ERC1: variants seen among roughly 807,000 people sequenced by gnomAD.
The protein encoded by ERC1 is RAB6 interacting protein 2.
Under a neutral mutation model 132.0 loss-of-function variants are expected in ERC1, and 56 were observed. That is an observed-to-expected ratio of 0.42 (90% CI 0.34 to 0.53). ERC1 has a LOEUF of 0.53. Among genes scored for constraint, ERC1 ranks in the 20% least tolerant of loss-of-function variants. The pLI is 0.03. For synonymous variants in ERC1, 478 were observed against 476.1 expected (o/e 1.00, Z -0.05); for missense variants, 1,202 against 1,349.9 (o/e 0.89, Z 1.72).
At chr12:1,036,062 A>AT (rs1461505079) in intron 2 of ERC1, among the ~76,000 whole-genome samples, 2 of 152,124 alleles carry the variant, frequency 1.3e-5, no homozygotes, top group African/African-American at 4.8e-5. Flanking sequence ...AAAAATGTTT[A>AT]TTTAAAGCAC....
At chr12:1,481,544 C>G (rs765523571) in intron 18 of ERC1, among the ~76,000 whole-genome samples, 8 of 152,238 alleles carry the variant, frequency 5.3e-5, no homozygotes, top group Non-Finnish European at 8.8e-5. Flanking sequence ...AAATCTGTCC[C>G]TGCTCAGCTG....
chr12:1,363,862 G>A (rs2086400302), intron 15 of ERC1, among the ~76,000 whole-genome samples: 1 of 152,130 alleles, frequency 6.6e-6, no homozygotes, highest in Admixed American at 6.6e-5. Context: ...AACCATGAGT[G>A]TATTTCTCAC....
chr12:1,139,094 T>G (rs1949628635), intron 7 of ERC1, among the ~76,000 whole-genome samples: 2 of 152,222 alleles, frequency 1.3e-5, no homozygotes, highest in African/African-American at 4.8e-5. Flanking sequence ...CTTTTTTGCT[T>G]TCCTTGGTTT....
intron 13 of ERC1, among the ~76,000 whole-genome samples, chr12:1,239,838 T>C (rs557888413): frequency 5.1e-4 from 78 of 152,278 alleles, no homozygotes; most frequent in African/African-American, 1.8e-3. Context: ...CTTGTGTGCG[T>C]TGGAGTTACA....
At chr12:1,194,599 C>A (rs1016162339) in intron 12 of ERC1, among the ~76,000 whole-genome samples, 2 of 152,002 alleles carry the variant, frequency 1.3e-5, no homozygotes, top group Admixed American at 6.6e-5. Context: ...TTGTATTGTG[C>A]CTTATAATTT....
chr12:1,417,852 G>A (rs2092200630), intron 17 of ERC1, among the ~76,000 whole-genome samples: 1 of 151,646 alleles, frequency 6.6e-6, no homozygotes, highest in South Asian at 2.1e-4. Context: ...AAGAGTAAAT[G>A]ATGGATGATG....
At chr12:1,447,643 T>A (rs1414814203) in intron 18 of ERC1, among the ~76,000 whole-genome samples, 1 of 151,960 alleles carries the variant, frequency 6.6e-6, no homozygotes, top group African/African-American at 2.4e-5. Context: ...TTTTTGTTTT[T>A]GTTTTTGTTT....
intron 15 of ERC1, among the ~76,000 whole-genome samples, chr12:1,327,989 C>A (rs1443094512): frequency 6.6e-6 from 1 of 152,006 alleles, no homozygotes; most frequent in Non-Finnish European, 1.5e-5. Flanking sequence ...TGAGACATAT[C>A]TCCACATCAT....
At chr12:1,467,857 C>T (rs73599995) in intron 18 of ERC1, among the ~76,000 whole-genome samples, 2,537 of 152,264 alleles carry the variant, frequency 0.017, 69 homozygotes, top group African/African-American at 0.058. Context: ...CCCTCGCGTG[C>T]GTGGTTCACA....
intron 12 of ERC1, among the ~76,000 whole-genome samples, chr12:1,213,248 T>TAG (rs1046512588): frequency 6.6e-6 from 1 of 152,220 alleles, no homozygotes; most frequent in Non-Finnish European, 1.5e-5. Flanking sequence ...CATAGTGTCT[T>TAG]ACATTTATTT....
chr12:1,359,131 G>A (rs934370967), intron 15 of ERC1, among the ~76,000 whole-genome samples: 6 of 152,154 alleles, frequency 3.9e-5, no homozygotes, highest in African/African-American at 1.4e-4. Flanking sequence ...GAAAGAAAAA[G>A]CATAACAGCT....
chr12:1,239,555 A>G (rs902130403), intron 13 of ERC1, among the ~76,000 whole-genome samples: 24 of 152,144 alleles, frequency 1.6e-4, no homozygotes, highest in Non-Finnish European at 2.1e-4. Context: ...CTGCCTCTAA[A>G]AAAATTTAAG....
chr12:1,318,849 A>G (rs772525731), intron 15 of ERC1, among the ~76,000 whole-genome samples: 16 of 152,040 alleles, frequency 1.1e-4, no homozygotes, highest in Non-Finnish European at 1.8e-4. Flanking sequence ...CTCCACAGAG[A>G]TCAGTTTACG....
chr12:995,214 G>T (rs761067602), intron 1 of ERC1, among the ~76,000 whole-genome samples: 1 of 152,052 alleles, frequency 6.6e-6, no homozygotes, highest in African/African-American at 2.4e-5. Flanking sequence ...CTGTCATTCC[G>T]TCGTTGCACT....
At chr12:1,434,508 T>C (rs1394178319) in intron 17 of ERC1, among the ~76,000 whole-genome samples, 2 of 152,244 alleles carry the variant, frequency 1.3e-5, no homozygotes, top group African/African-American at 2.4e-5. Flanking sequence ...GGCGCTCTGC[T>C]GTTCCCCCAT....
intron 12 of ERC1, among the ~76,000 whole-genome samples, chr12:1,234,191 G>T (rs941736974): frequency 2.0e-5 from 3 of 152,152 alleles, no homozygotes; most frequent in African/African-American, 4.8e-5. Context: ...TAACGATAGT[G>T]CAAAAGTGAT....
intron 2 of ERC1, among the ~76,000 whole-genome samples, chr12:1,074,369 G>A (rs754616128): frequency 7.9e-5 from 12 of 151,826 alleles, no homozygotes; most frequent in Non-Finnish European, 1.5e-4. Context: ...GTGCAGTGGC[G>A]TGATCTTGGC....
chr12:1,476,049 G>T (rs182389515), intron 18 of ERC1, among the ~76,000 whole-genome samples: 1 of 151,952 alleles, frequency 6.6e-6, no homozygotes, highest in East Asian at 1.9e-4. Flanking sequence ...GGATCACACG[G>T]TCAGGAGATC....
At chr12:1,255,970 G>A (rs1049087015) in intron 13 of ERC1, among the ~76,000 whole-genome samples, 79 of 152,098 alleles carry the variant, frequency 5.2e-4, no homozygotes, top group African/African-American at 1.9e-3. Context: ...TCTCATTGTG[G>A]TTTTGATTTG....
Sources: allele counts gnomAD v4.1 joint callset (sites outside exome capture counted in the v4.1 genomes callset), GRCh38; gene constraint gnomAD v4.1.1; transcripts MANE v1.5; gene names NCBI Gene and HGNC (gene_info 2026-07-23, HGNC 2026-07-21).